The following SOX6 variants were observed in gnomAD, a reference collection of about 807,000 sequenced individuals.
SOX6 encodes the protein SRY-box transcription factor 6.
SOX6 carries 11 observed loss-of-function variants against 97.8 expected under a neutral mutation model. That is an observed-to-expected ratio of 0.11 (90% CI 0.07 to 0.19). SOX6 has a LOEUF of 0.19. Ranked by LOEUF, SOX6 falls within the 10% of genes least tolerant of loss-of-function variation. The pLI, the probability that SOX6 is intolerant of heterozygous loss-of-function variation, is 1.00. For missense variants in SOX6, 810 were observed against 1,039.5 expected (o/e 0.78, Z 3.04); for synonymous variants, 360 against 371.4 (o/e 0.97, Z 0.35).
chr11:15,997,962 C>A (rs1854278498), intron 13 of SOX6, among the ~76,000 whole-genome samples: 1 of 151,930 alleles, frequency 6.6e-6, no homozygotes, highest in African/African-American at 2.4e-5. Context: ...TGCCTGTAAT[C>A]CCAGCTACTC....
In SOX6 at chr11:16,287,639, A is replaced by T. The variant is rs1257022428; in HGVS notation, c.445+30807T>A. On this transcript the variant is annotated intron_variant, in intron 3 of 15. Coordinates refer to ENST00000683767, the MANE Select transcript of SOX6 (RefSeq NM_001367873.1). ...AATTTCCTCATTTCTAGAATAGCAT[A>T]AGAGTATCTGTCCTTCCTTACACTC... 2.0e-5 allele frequency among the ~76,000 whole-genome samples: 3 copies of T among 152,134 alleles called. No homozygotes were observed. The East Asian group carries it at 5.8e-4, about 29-fold the overall frequency.
chr11:15,976,656 G>T (rs1338045589), intron 15 of SOX6, among the ~76,000 whole-genome samples: 4 of 152,110 alleles, frequency 2.6e-5, no homozygotes, highest in Non-Finnish European at 5.9e-5. Context: ...GGCCAGGAGA[G>T]GACTTCCTCT....
intron 3 of SOX6, among the ~76,000 whole-genome samples, chr11:16,703,759 T>C (rs549104338): frequency 6.6e-6 from 1 of 152,292 alleles, no homozygotes; most frequent in African/African-American, 2.4e-5. Context: ...GGAACATCAC[T>C]TGTGAGTCCC....
At chr11:16,450,944 T>G (rs1859703852) in intron 1 of SOX6, among the ~76,000 whole-genome samples, 3 of 152,106 alleles carry the variant, frequency 2.0e-5, no homozygotes, top group Admixed American at 2.0e-4. Context: ...GTTTAATGAT[T>G]TGAGGGGCAC....
chr11:16,502,169 G>A (rs1025419281), intron 4 of SOX6, among the ~76,000 whole-genome samples: 2 of 152,116 alleles, frequency 1.3e-5, no homozygotes, highest in African/African-American at 4.8e-5. Context: ...GTAGGGACAT[G>A]GATGAGGCTG....
chr11:16,113,636 GA>G (rs1416887156), intron 6 of SOX6, among the ~76,000 whole-genome samples: 1 of 152,110 alleles, frequency 6.6e-6, no homozygotes, highest in African/African-American at 2.4e-5. Context: ...TACATCAAAG[GA>G]AATAATTTCA....
chr11:16,606,073 A>T (rs1174373867), intron 4 of SOX6: 1 of 151,398 alleles, frequency 6.6e-6, no homozygotes, highest in Non-Finnish European at 1.5e-5. Context: ...CTCCGGCTAC[A>T]ACTAAGACAG....
chr11:16,705,523 A>T lies in SOX6; in HGVS notation n.429+9307T>A, dbSNP rs142721779. 4.2e-3 allele frequency among the ~76,000 whole-genome samples: 637 copies of T among 152,226 alleles called. 15 individuals carry two copies. The highest frequency in any genetic ancestry group is 0.035 in the Admixed American group (541 of 15,284). ...GTACCTGTGGTCTTAGCTACTTGGG[A>T]GGCTGAGGCGGGAGGATGGCTTGAA... On this transcript the variant is annotated intron_variant and non_coding_transcript_variant, in intron 3 of 5. Coordinates refer to the SOX6 transcript ENST00000524520.
intron 4 of SOX6, among the ~76,000 whole-genome samples, chr11:16,526,471 C>G (rs12786848): frequency 6.7e-6 from 1 of 149,640 alleles, no homozygotes; most frequent in Non-Finnish European, 1.5e-5. Context: ...CATCACACTC[C>G]GGGGCCTGTT....
chr11:16,469,546 A>T (rs142310325), intron 1 of SOX6, among the ~76,000 whole-genome samples: 1 of 152,272 alleles, frequency 6.6e-6, no homozygotes, highest in Non-Finnish European at 1.5e-5. Flanking sequence ...GATAAAACTC[A>T]GCTATACTGG....
At chr11:16,556,638 A>G (rs1330935270) in intron 4 of SOX6, among the ~76,000 whole-genome samples, 5 of 151,814 alleles carry the variant, frequency 3.3e-5, no homozygotes, top group Non-Finnish European at 7.4e-5. Flanking sequence ...TGAAATACCC[A>G]GCATCAAGCC....
intron 1 of SOX6, chr11:16,402,668 C>T (rs1378256335): frequency 6.2e-7 from 1 of 1,611,026 alleles, no homozygotes; most frequent in Non-Finnish European, 8.5e-7. Context: ...CCCCATTTTT[C>T]TTCTTTCCTT....
chr11:16,713,124 A>AT (rs1463687705), intron 3 of SOX6, among the ~76,000 whole-genome samples: 1 of 152,166 alleles, frequency 6.6e-6, no homozygotes, highest in Non-Finnish European at 1.5e-5. Flanking sequence ...TCTGAATCAG[A>AT]TTTTTTCTTA....
intron 2 of SOX6, among the ~76,000 whole-genome samples, chr11:16,735,222 C>T (rs1391159597): frequency 6.6e-6 from 1 of 152,126 alleles, no homozygotes; most frequent in Non-Finnish European, 1.5e-5. Context: ...CAAGGCTTTT[C>T]ACAGCCCGGC....
intron 1 of SOX6, among the ~76,000 whole-genome samples, chr11:16,390,174 G>A (rs957442355): frequency 6.9e-6 from 1 of 144,672 alleles, no homozygotes; most frequent in Admixed American, 6.7e-5. Context: ...CCCTTTCTGT[G>A]GCTTTTTCCT....
At chr11:16,549,667 G>A (rs1433169085) in intron 4 of SOX6, among the ~76,000 whole-genome samples, 4 of 151,964 alleles carry the variant, frequency 2.6e-5, no homozygotes, top group Non-Finnish European at 4.4e-5. Flanking sequence ...CTTTATTCAC[G>A]ATCACCAAAA....
chr11:16,325,733 G>A (rs1856067563), intron 2 of SOX6, among the ~76,000 whole-genome samples: 1 of 152,070 alleles, frequency 6.6e-6, no homozygotes, highest in African/African-American at 2.4e-5. Flanking sequence ...GATACTTATT[G>A]CTATGGTTTG....
chr11:16,562,454 G>A (rs1320005581), intron 4 of SOX6, among the ~76,000 whole-genome samples: 1 of 152,104 alleles, frequency 6.6e-6, no homozygotes, highest in Non-Finnish European at 1.5e-5. Flanking sequence ...CCAGGAAAGA[G>A]GCAGCTTTTA....
At chr11:16,107,942 C>G (rs957254487) in intron 7 of SOX6, among the ~76,000 whole-genome samples, 1 of 152,082 alleles carries the variant, frequency 6.6e-6, no homozygotes, top group African/African-American at 2.4e-5. Context: ...GTTTAACAGG[C>G]TAAAGTTACT....
Sources: allele counts gnomAD v4.1 joint callset (sites outside exome capture counted in the v4.1 genomes callset), GRCh38; gene constraint gnomAD v4.1.1; transcripts MANE v1.5; gene names NCBI Gene and HGNC (gene_info 2026-07-23, HGNC 2026-07-21).